The following NLRC5 variants were observed in gnomAD, a reference collection of about 807,000 sequenced individuals.
NLRC5 encodes the protein NLR family CARD domain containing 5.
Under a neutral mutation model 206.9 loss-of-function variants are expected in NLRC5, and 114 were observed. That is an observed-to-expected ratio of 0.55 (90% CI 0.47 to 0.64). The LOEUF (loss-of-function observed/expected upper bound fraction) is 0.64, where lower values mean the gene tolerates loss of function less well. NLRC5 is among the 30% of genes least tolerant of loss of function. The probability of loss-of-function intolerance (pLI) is 0.00; values close to 1 mark genes in which losing one functional copy is unlikely to be tolerated. For synonymous variants in NLRC5, 952 were observed against 962.8 expected (o/e 0.99, Z 0.21); for missense variants, 2,008 against 2,305.5 (o/e 0.87, Z 2.64).
chr16:57,032,191 T>A (rs1597263206), intron 11 of NLRC5, among the ~76,000 whole-genome samples: 1 of 152,066 alleles, frequency 6.6e-6, no homozygotes, highest in East Asian at 1.9e-4. Context: ...CGAGAATCTC[T>A]TGATTCCAGG....
chr16:57,058,844 G>T, intron 28 of NLRC5, 128 bp from the exon 29 acceptor site: 1 of 811,348 alleles, frequency 1.2e-6, no homozygotes. Flanking sequence ...TCCATCTGGA[G>T]AATAGATGCT....
chr16:57,011,786 G>A (rs1597139037), intron 1 of NLRC5, among the ~76,000 whole-genome samples: 1 of 151,058 alleles, frequency 6.6e-6, no homozygotes, highest in Non-Finnish European at 1.5e-5. Flanking sequence ...TTCCCAGTTT[G>A]TTGCTTTCGT....
rs1402020105 is a variant in NLRC5, at chr16:57,055,444, G to C, written c.3671G>C (p.Gly1224Ala). ...TTACCTCCGTCCAGCAGGTTCACAGGCTGCAGCCTCAGCCAGGAGCACGTA... is the reference window on the plus strand; with the variant it reads ...TTACCTCCGTCCAGCAGGTTCACAGCCTGCAGCCTCAGCCAGGAGCACGTA... The part of the protein sequence containing the change: ...EEGVCCGRFT[G>A]CSLSQEHVES... Residue 1224 changes from glycine (G) to alanine (A), a missense_variant, in exon 27 of 49, where the codon GGC becomes GCC. Physicochemically the swap from Gly to Ala is moderately conservative, Grantham distance 60. Transcript: ENST00000688547. 2 of 1,613,950 alleles carry C rather than the reference G, an allele frequency of 1.2e-6. No individual in the cohort carries two copies. Among genetic ancestry groups the C allele is most frequent in the Non-Finnish European group, 1.7e-6 (2 of 1,179,936 alleles).
chr16:57,002,473 T>C (rs2058372655), intron 1 of NLRC5, among the ~76,000 whole-genome samples: 1 of 152,118 alleles, frequency 6.6e-6, no homozygotes, highest in African/African-American at 2.4e-5. Flanking sequence ...TTCATTCATC[T>C]GTCGATGAAC....
At chr16:57,061,005 A>G (rs879014224) in intron 30 of NLRC5, among the ~76,000 whole-genome samples, 1 of 152,224 alleles carries the variant, frequency 6.6e-6, no homozygotes, top group Admixed American at 6.5e-5. Context: ...CGGGAGAGTA[A>G]GGCAGTGGTT....
chr16:57,030,464 ATGAAAAGATGGATGGG>A (rs2061726495), intron 10 of NLRC5, among the ~76,000 whole-genome samples: 18 of 123,472 alleles, frequency 1.5e-4, no homozygotes, highest in African/African-American at 4.8e-4. Context: ...GGATGGATGG[ATGAAAAGATGGATGGG>A]TGGATGAAAA....
In NLRC5 at chr16:57,044,412, C is replaced by G. The variant is rs566459286; in HGVS notation, c.3203+808C>G. Among the ~76,000 whole-genome samples the G allele has an allele frequency of 1.2e-4, 19 of 152,212 alleles. No homozygotes were observed. In the South Asian group the frequency reaches 2.9e-3, roughly 23 times the overall value. On this transcript the variant is annotated intron_variant, in intron 20 of 48. Coordinates refer to ENST00000688547, the MANE Select transcript of NLRC5 (RefSeq NM_001384950.1). ...TGATGAGAATATAAAAGGGGAGGCA[C>G]CAGCCAGCCAAGCCACCCCAGGCAC...
At position 57,047,582 on chromosome 16, in the gene NLRC5, C is replaced by T. The variant is rs149694995; in HGVS notation, c.3376C>T (p.Arg1126Cys). 491 of 1,613,618 alleles carry T rather than the reference C, an allele frequency of 3.0e-4. 1 individual carries two copies. The African/African-American group carries it at 5.4e-3, about 18-fold the overall frequency. ...ECPLEPPSLT[R>C]LCATLKDCPG... ...TCCTCTGGAGCCCCCAAGCCTCACC[C>T]GCCTCTGTGCCACTCTGAAGGACTG... Residue 1126 changes from arginine to cysteine, a missense_variant, in exon 23 of 49, where the codon CGC becomes TGC. Physicochemically the swap from Arg to Cys is radical, Grantham distance 180. Transcript: ENST00000688547.
chr16:57,046,117 G>A (rs1457609376), intron 21 of NLRC5, among the ~76,000 whole-genome samples: 3 of 152,186 alleles, frequency 2.0e-5, no homozygotes, highest in African/African-American at 4.8e-5. Context: ...AGGAGTCAGG[G>A]GTGGCTCAAG....
intron 15 of NLRC5, 61 bp downstream of exon 15, chr16:57,037,345 C>T (rs1427302582): frequency 6.8e-7 from 1 of 1,472,734 alleles, no homozygotes; most frequent in East Asian, 2.3e-5. Context: ...CTCTGAAGCC[C>T]TTGGAATTCC....
At position 57,074,698 on chromosome 16, in the gene NLRC5, G is replaced by C. The variant is rs754192584; in HGVS notation, c.4751+15G>C. The C allele has an allele frequency of 6.2e-7, 1 of 1,612,482 alleles. No homozygotes were observed. The highest frequency in any genetic ancestry group is 8.5e-7 in the Non-Finnish European group (1 of 1,178,728). On this transcript the variant is annotated intron_variant, in intron 39 of 48. Transcript: ENST00000688547. The stretch of plus-strand genomic sequence containing the variant: ...CAGAGCCTCAGGTGAGTGACCGAGC[G>C]GCCCCATGGGAATGAGTGGGAAGAA...
intron 23 of NLRC5, 71 bp downstream of exon 23, chr16:57,047,699 T>G: frequency 7.6e-7 from 1 of 1,311,758 alleles, no homozygotes. Flanking sequence ...AGGGGGCTTC[T>G]TGGTTAGAAG....
intron 11 of NLRC5, among the ~76,000 whole-genome samples, chr16:57,032,820 A>AC (rs2062032802): frequency 1.8e-5 from 2 of 113,266 alleles, no homozygotes; most frequent in South Asian, 6.3e-4. Flanking sequence ...ACAAAGTGAG[A>AC]CCCCCATCTC....
intron 1 of NLRC5, among the ~76,000 whole-genome samples, chr16:56,998,329 C>A (rs2057874112): frequency 6.6e-6 from 1 of 152,060 alleles, no homozygotes; most frequent in Admixed American, 6.6e-5. Context: ...CTGCTTCCAG[C>A]CCCATGCCTG....
chr16:57,067,815 C>A lies in NLRC5; in HGVS notation c.4486C>A (p.Leu1496Met), dbSNP rs766017488. The A allele has an allele frequency of 3.1e-6, 5 of 1,613,804 alleles. No individual in the cohort carries two copies. In the East Asian group the frequency reaches 1.1e-4, roughly 36 times the overall value. ...LQSLLLSLSE[L>M]KTFRLTSSCV... ...GAGCCTCCTGCTGTCCCTCTCTGAG[C>A]TGAAGACATTTCGGTATGTAGACAA... is the stretch of plus-strand genomic sequence containing the variant. Residue 1496 changes from leucine to methionine, a missense_variant, in exon 36 of 49, where the codon CTG becomes ATG. By Grantham distance (15) the Leu-to-Met change is conservative. Coordinates refer to ENST00000688547, the MANE Select transcript of NLRC5 (RefSeq NM_001384950.1).
At chr16:57,047,116 T>G (rs1208182271) in intron 22 of NLRC5, among the ~76,000 whole-genome samples, 4 of 152,196 alleles carry the variant, frequency 2.6e-5, no homozygotes, top group African/African-American at 7.2e-5. Context: ...AATTTCACTG[T>G]TAGCCCCAGG....
At chr16:57,057,548 T>C (rs1329831000) in intron 27 of NLRC5, among the ~76,000 whole-genome samples, 4 of 151,480 alleles carry the variant, frequency 2.6e-5, no homozygotes, top group Non-Finnish European at 5.9e-5. Flanking sequence ...GTTTAATGCA[T>C]CCTGCAAACA....
intron 1 of NLRC5, among the ~76,000 whole-genome samples, chr16:57,003,119 G>C (rs568988138): frequency 6.6e-6 from 1 of 151,994 alleles, no homozygotes; most frequent in East Asian, 1.9e-4. Flanking sequence ...GAGTGCAGTG[G>C]CGTGATCTCA....
intron 1 of NLRC5, among the ~76,000 whole-genome samples, chr16:56,992,691 G>T (rs928446439): frequency 3.3e-5 from 5 of 151,760 alleles, no homozygotes; most frequent in Non-Finnish European, 7.4e-5. Flanking sequence ...TGGCCAGGCT[G>T]GTCTTGAACT....
Sources: allele counts gnomAD v4.1 joint callset (sites outside exome capture counted in the v4.1 genomes callset), GRCh38; gene constraint gnomAD v4.1.1; transcripts MANE v1.5; gene names NCBI Gene and HGNC (gene_info 2026-07-23, HGNC 2026-07-21).